The following RGS6 variants were observed in gnomAD, a reference collection of about 807,000 sequenced individuals.
RGS6 encodes regulator of G protein signaling 6.
In RGS6, 30 loss-of-function variants were observed where a neutral mutation model predicts 78.5. The observed-to-expected ratio is 0.38, with a 90% CI of 0.29 to 0.52. The LOEUF is 0.52. Among genes scored for constraint, RGS6 ranks in the 20% least tolerant of loss-of-function variants. RGS6 has a pLI of 0.85. For synonymous variants in RGS6, 206 were observed against 206.0 expected, an observed-to-expected ratio of 1.00 and a Z score of 0.00; for missense variants, 495 against 609.7, an observed-to-expected ratio of 0.81 and a Z score of 1.98.
At chr14:72,126,249 G>C (rs1439835943) in intron 2 of RGS6, among the ~76,000 whole-genome samples, 1 of 152,230 alleles carries the variant, frequency 6.6e-6, no homozygotes, top group Non-Finnish European at 1.5e-5. Context: ...CGGGAAGTTT[G>C]CCAGAGAAGG....
At chr14:71,962,674 A>T (rs929664062) in intron 1 of RGS6, among the ~76,000 whole-genome samples, 20 of 152,356 alleles carry the variant, frequency 1.3e-4, no homozygotes, top group African/African-American at 4.8e-4. Flanking sequence ...ATATTATAGA[A>T]TGATGCTCTT....
At chr14:72,322,242 AAATC>A (rs1394393157) in intron 2 of RGS6, among the ~76,000 whole-genome samples, 2 of 152,052 alleles carry the variant, frequency 1.3e-5, no homozygotes, top group Non-Finnish European at 2.9e-5. Flanking sequence ...AAAAAAGAAT[AAATC>A]TTTAAGTTAG....
intron 11 of RGS6, among the ~76,000 whole-genome samples, chr14:72,477,850 A>G (rs1184370678): frequency 9.2e-5 from 14 of 152,006 alleles, no homozygotes; most frequent in Non-Finnish European, 2.1e-4. Flanking sequence ...AAGCTATTTG[A>G]TGATTCCAGT....
intron 3 of RGS6, among the ~76,000 whole-genome samples, chr14:72,429,951 G>A (rs554082316): frequency 2.2e-4 from 33 of 152,226 alleles, no homozygotes; most frequent in Admixed American, 1.2e-3. Flanking sequence ...CCTTCCTGCC[G>A]CCTTGTGAAG....
chr14:72,233,794 G>T (rs528914779), intron 2 of RGS6, among the ~76,000 whole-genome samples: 79 of 152,322 alleles, frequency 5.2e-4, no homozygotes, highest in African/African-American at 1.8e-3. Context: ...TATTCAGTAG[G>T]TGGGGCAGTG....
At chr14:72,346,648 C>A (rs1013633039) in intron 2 of RGS6, among the ~76,000 whole-genome samples, 1 of 152,170 alleles carries the variant, frequency 6.6e-6, no homozygotes, top group South Asian at 2.1e-4. Flanking sequence ...GAATGAGAAA[C>A]CTCTGTTAAG....
rs1230213976 is a variant in RGS6 at position 72,503,818 on chromosome 14, C to A, written c.966-6336C>A. Reference sequence around the variant, plus strand: ...TGGTCTTCCAGGCCCATTTGGGTGGCAGCATCATCCCCACAGCTTGGTGGG... The same window carrying A: ...TGGTCTTCCAGGCCCATTTGGGTGGAAGCATCATCCCCACAGCTTGGTGGG... On this transcript the variant is annotated intron_variant, in intron 13 of 17. Transcript: ENST00000553525. Among the ~76,000 whole-genome samples the A allele has an allele frequency of 3.3e-5, 5 of 152,208 alleles. 1 individual carries two copies.
chr14:72,547,476 T>A (rs994651539), intron 17 of RGS6: 4 of 715,754 alleles, frequency 5.6e-6, no homozygotes, highest in Non-Finnish European at 7.0e-6. Flanking sequence ...CTGGTTTGAG[T>A]TGAGTTAGGA....
intron 3 of RGS6, among the ~76,000 whole-genome samples, chr14:72,363,999 TAAAAAAAAAAAA>T (rs55943058): frequency 0.011 from 494 of 46,808 alleles, 17 homozygotes; most frequent in African/African-American, 0.026. Flanking sequence ...TGGACAAGGC[TAAAAAAAAAAAA>T]AAAAAAAAAA....
At chr14:72,264,715 T>C (rs1039194118) in intron 2 of RGS6, among the ~76,000 whole-genome samples, 9 of 152,214 alleles carry the variant, frequency 5.9e-5, no homozygotes, top group Admixed American at 2.0e-4. Context: ...CTTAGAATCA[T>C]GGAGTTCAAG....
chr14:72,054,989 A>C (rs2093543461), intron 2 of RGS6, among the ~76,000 whole-genome samples: 1 of 152,154 alleles, frequency 6.6e-6, no homozygotes, highest in Non-Finnish European at 1.5e-5. Flanking sequence ...GTTTTTCTAT[A>C]AATGTTAGTA....
intron 2 of RGS6, among the ~76,000 whole-genome samples, chr14:72,313,495 A>AG (rs963967202): frequency 5.3e-5 from 8 of 151,990 alleles, no homozygotes; most frequent in East Asian, 1.9e-4. Context: ...AATCCCTGGG[A>AG]GGGGGGGCTT....
chr14:72,600,093 C>T, the RGS6 span, among the ~76,000 whole-genome samples: 3 of 152,248 alleles, frequency 2.0e-5, no homozygotes, highest in East Asian at 5.8e-4. Flanking sequence ...TTCCCCCCTC[C>T]CTTCTTCTCC....
intron 17 of RGS6, among the ~76,000 whole-genome samples, chr14:72,562,090 C>T (rs1028956735): frequency 5.3e-5 from 8 of 152,294 alleles, no homozygotes; most frequent in South Asian, 2.1e-4. Context: ...GGCAGCCCGC[C>T]GGCATTAAAA....
At chr14:72,175,144 T>G (rs1310313321) in intron 2 of RGS6, among the ~76,000 whole-genome samples, 3 of 152,206 alleles carry the variant, frequency 2.0e-5, no homozygotes, top group Non-Finnish European at 4.4e-5. Context: ...TCCTGGCAGT[T>G]TTTTTGTTTT....
At chr14:72,396,910 G>A (rs1389825649) in intron 3 of RGS6, among the ~76,000 whole-genome samples, 1 of 152,138 alleles carries the variant, frequency 6.6e-6, no homozygotes, top group Non-Finnish European at 1.5e-5. Flanking sequence ...CTATATCTCT[G>A]TTTTGGTACC....
intron 2 of RGS6, among the ~76,000 whole-genome samples, chr14:72,280,637 C>T (rs1023200575): frequency 2.6e-5 from 4 of 152,202 alleles, no homozygotes; most frequent in Non-Finnish European, 4.4e-5. Flanking sequence ...TCCTCATTCT[C>T]GTGGAACTTG....
intron 2 of RGS6, among the ~76,000 whole-genome samples, chr14:72,228,107 G>A (rs1041807535): frequency 2.0e-5 from 3 of 152,118 alleles, no homozygotes; most frequent in Non-Finnish European, 2.9e-5. Flanking sequence ...GGCCAGGCAC[G>A]GTGGCTGACA....
At chr14:72,189,266 C>T (rs1349533051) in intron 2 of RGS6, among the ~76,000 whole-genome samples, 1 of 152,110 alleles carries the variant, frequency 6.6e-6, no homozygotes, top group Non-Finnish European at 1.5e-5. Flanking sequence ...GTGGGCAGTT[C>T]GTTTATTGCT....
Sources: allele counts gnomAD v4.1 joint callset (sites outside exome capture counted in the v4.1 genomes callset), GRCh38; gene constraint gnomAD v4.1.1; transcripts MANE v1.5; gene names NCBI Gene and HGNC (gene_info 2026-07-23, HGNC 2026-07-21).